The following SLC22A23 variants were observed in gnomAD, a reference collection of about 807,000 sequenced individuals.
The protein encoded by SLC22A23 is ion transporter protein.
In SLC22A23, 26 loss-of-function variants were observed where a neutral mutation model predicts 61.0. The observed-to-expected ratio is 0.43, with a 90% CI of 0.31 to 0.59. The LOEUF is 0.59. Among genes scored for constraint, SLC22A23 ranks in the 20% least tolerant of loss-of-function variants. The pLI is 0.11. For synonymous variants in SLC22A23, 430 were observed against 413.9 expected, an observed-to-expected ratio of 1.04 and a Z score of -0.47; for missense variants, 796 against 934.7, an observed-to-expected ratio of 0.85 and a Z score of 1.94.
At chr6:3,302,636 T>C (rs188606959) in intron 4 of SLC22A23, among the ~76,000 whole-genome samples, 1 of 152,316 alleles carries the variant, frequency 6.6e-6, no homozygotes, top group African/African-American at 2.4e-5. Flanking sequence ...TGTGTTTCTA[T>C]TTTCATTTGT....
At chr6:3,403,032 G>A (rs939561203) in intron 3 of SLC22A23, among the ~76,000 whole-genome samples, 5 of 152,168 alleles carry the variant, frequency 3.3e-5, no homozygotes, top group African/African-American at 1.2e-4. Context: ...AAACTTTCAT[G>A]GCTCTGCACC....
intron 3 of SLC22A23, among the ~76,000 whole-genome samples, chr6:3,409,845 G>A (rs568189511): frequency 6.6e-6 from 1 of 152,196 alleles, no homozygotes; most frequent in African/African-American, 2.4e-5. Flanking sequence ...ACCCAATTAT[G>A]CACCAGATAG....
At chr6:3,406,055 C>T (rs1027622094) in intron 3 of SLC22A23, among the ~76,000 whole-genome samples, 1 of 152,100 alleles carries the variant, frequency 6.6e-6, no homozygotes, top group Non-Finnish European at 1.5e-5. Context: ...GGAAAAAACC[C>T]TTCATTTGCC....
At chr6:3,378,640 TTTTTC>T (rs1400494846) in intron 3 of SLC22A23, among the ~76,000 whole-genome samples, 3 of 144,142 alleles carry the variant, frequency 2.1e-5, no homozygotes, top group African/African-American at 2.7e-5. Flanking sequence ...TCAGACTTTT[TTTTTC>T]TTTTCTTTTT....
Position 3,386,478 on chromosome 6 carries a change from G to A in SLC22A23, c.913+23710C>T, listed in dbSNP as rs192747361. Among the ~76,000 whole-genome samples, 1 of 152,198 alleles carries A rather than the reference G, an allele frequency of 6.6e-6. No homozygotes were observed. Among genetic ancestry groups the A allele is most frequent in the Non-Finnish European group, 1.5e-5 (1 of 68,034 alleles). On this transcript the variant is annotated intron_variant, in intron 3 of 9. Coordinates refer to ENST00000406686, the MANE Select transcript of SLC22A23 (RefSeq NM_015482.2). This position sits in a 1 kb window ranked among gnomAD's most constrained non-coding sequence, Gnocchi z 4.4. ...CAAGAAGTTGGCTTCTCTGGAAAGT[G>A]GGGGAGGGTCTGAATAAAGCAGCCA...
intron 3 of SLC22A23, among the ~76,000 whole-genome samples, chr6:3,325,277 CA>C (rs563471960): frequency 5.3e-4 from 80 of 152,138 alleles, no homozygotes; most frequent in African/African-American, 1.9e-3. Context: ...GGTCAGAAGG[CA>C]ATAAGGGAAG....
chr6:3,326,841 G>C (rs1763308046), intron 3 of SLC22A23, among the ~76,000 whole-genome samples: 1 of 152,218 alleles, frequency 6.6e-6, no homozygotes, highest in South Asian at 2.1e-4. Flanking sequence ...CAATGATTAA[G>C]AAACTGCAGG....
At chr6:3,336,677 C>T (rs907724689) in intron 3 of SLC22A23, among the ~76,000 whole-genome samples, 19 of 152,322 alleles carry the variant, frequency 1.2e-4, no homozygotes, top group African/African-American at 4.3e-4. Context: ...AGAGGCTCAA[C>T]ACGCCCTGAA....
At chr6:3,303,353 G>A (rs1761752273) in intron 4 of SLC22A23, 1 of 152,182 alleles carries the variant, frequency 6.6e-6, no homozygotes, top group Non-Finnish European at 1.5e-5. Flanking sequence ...CCCACTACTG[G>A]TGTTTATCCA....
intron 1 of SLC22A23, among the ~76,000 whole-genome samples, chr6:3,432,750 C>T (rs1031599111): frequency 6.6e-6 from 1 of 152,168 alleles, no homozygotes; most frequent in Non-Finnish European, 1.5e-5. Context: ...AAGCACTGAA[C>T]TTTTCATATG....
chr6:3,289,362 C>T (rs771450502), intron 6 of SLC22A23, among the ~76,000 whole-genome samples: 3 of 152,252 alleles, frequency 2.0e-5, no homozygotes, highest in Non-Finnish European at 4.4e-5. Flanking sequence ...AGGCTGGCTG[C>T]AGGTTCAGGA....
At chr6:3,274,683 C>A (rs532751567) in intron 9 of SLC22A23, among the ~76,000 whole-genome samples, 6 of 152,138 alleles carry the variant, frequency 3.9e-5, no homozygotes, top group Admixed American at 1.3e-4. Flanking sequence ...GATCAACATA[C>A]AAAAGTCAAT....
At chr6:3,367,788 C>T (rs551605491) in intron 3 of SLC22A23, among the ~76,000 whole-genome samples, 1 of 152,150 alleles carries the variant, frequency 6.6e-6, no homozygotes, top group Non-Finnish European at 1.5e-5. Flanking sequence ...AAAAGAGGAA[C>T]CAGCCTCCAT....
Position 3,270,833 on chromosome 6 carries a change from T to G in SLC22A23, c.*2222A>C, listed in dbSNP as rs910557092. On this transcript the variant is annotated 3_prime_UTR_variant, in exon 10 of 10. Coordinates refer to ENST00000406686, the MANE Select transcript of SLC22A23 (RefSeq NM_015482.2). ...CGGGCAGCACTCTACAGCTTCAATTTCCAAAAAAAAAAAAAAGTTTACACG... is the reference window on the plus strand; with the variant it reads ...CGGGCAGCACTCTACAGCTTCAATTGCCAAAAAAAAAAAAAAGTTTACACG... 6.8e-6 allele frequency: 1 copy of G among 146,076 alleles called. No homozygotes were observed. Among genetic ancestry groups the G allele is most frequent in the African/African-American group, 2.6e-5 (1 of 38,920 alleles). 9.0% of individuals were successfully genotyped at this position (146,076 alleles called of 1,614,324 possible).
chr6:3,278,513 C>T (rs1759120731), intron 9 of SLC22A23, among the ~76,000 whole-genome samples: 3 of 152,232 alleles, frequency 2.0e-5, no homozygotes, highest in Admixed American at 1.3e-4. Flanking sequence ...TTACTAGTCT[C>T]TGAGCCCTTC....
intron 1 of SLC22A23, among the ~76,000 whole-genome samples, chr6:3,419,690 C>T (rs1236018140): frequency 6.6e-6 from 1 of 152,144 alleles, no homozygotes; most frequent in East Asian, 1.9e-4. Flanking sequence ...AGGCACAGTT[C>T]CCTGGACAGG....
intron 3 of SLC22A23, among the ~76,000 whole-genome samples, chr6:3,380,087 A>G (rs573728083): frequency 6.6e-6 from 1 of 152,282 alleles, no homozygotes; most frequent in South Asian, 2.1e-4. Flanking sequence ...AATCCCAAAC[A>G]ATCTCTGTTA....
intron 3 of SLC22A23, among the ~76,000 whole-genome samples, chr6:3,404,341 A>G (rs1413338817): frequency 6.6e-6 from 1 of 152,224 alleles, no homozygotes; most frequent in Non-Finnish European, 1.5e-5. Flanking sequence ...GATGGGTCTC[A>G]GTGATGCCAC....
chr6:3,441,524 C>T (rs1012381345), intron 1 of SLC22A23, among the ~76,000 whole-genome samples: 2 of 152,154 alleles, frequency 1.3e-5, no homozygotes, highest in Non-Finnish European at 2.9e-5. Context: ...AAGAGGTCCT[C>T]TCTCAATCCT....
Sources: allele counts gnomAD v4.1 joint callset (sites outside exome capture counted in the v4.1 genomes callset), GRCh38; gene constraint gnomAD v4.1.1; non-coding constraint Gnocchi (gnomAD v3.1); transcripts MANE v1.5; gene names NCBI Gene and HGNC (gene_info 2026-07-23, HGNC 2026-07-21).